The following MYO3B variants were observed in gnomAD, a reference collection of about 807,000 sequenced individuals.
MYO3B encodes myosin-IIIb.
In MYO3B, 156 loss-of-function variants were observed where a neutral mutation model predicts 174.6. That is an observed-to-expected ratio of 0.89 (90% CI 0.78 to 1.02). The LOEUF is 1.02. MYO3B is among the 50% of genes least tolerant of loss of function. The pLI, the probability that MYO3B is intolerant of heterozygous loss-of-function variation, is 0.00. For missense variants in MYO3B, 1,632 were observed against 1,639.4 expected, an observed-to-expected ratio of 1.00 and a Z score of 0.08; for synonymous variants, 563 against 569.1, an observed-to-expected ratio of 0.99 and a Z score of 0.15.
intron 29 of MYO3B, among the ~76,000 whole-genome samples, chr2:170,517,691 C>T (rs76159271): frequency 0.13 from 19,908 of 152,154 alleles, 1,393 homozygotes; most frequent in African/African-American, 0.16. Flanking sequence ...AACAGGGAAA[C>T]AGAAAGATAC....
At chr2:170,428,109 A>G (rs2094679681) in intron 22 of MYO3B, among the ~76,000 whole-genome samples, 1 of 152,218 alleles carries the variant, frequency 6.6e-6, no homozygotes, top group South Asian at 2.1e-4. Context: ...AAAATTAGAG[A>G]ACTGAATAAG....
intron 32 of MYO3B, among the ~76,000 whole-genome samples, chr2:170,599,695 C>T (rs1438883279): frequency 6.6e-6 from 1 of 152,110 alleles, no homozygotes; most frequent in East Asian, 1.9e-4. Flanking sequence ...TTGTAGTGAG[C>T]CGAGATTGTG....
At chr2:170,478,576 T>TG (rs1685464169) in intron 25 of MYO3B, among the ~76,000 whole-genome samples, 1 of 144,556 alleles carries the variant, frequency 6.9e-6, no homozygotes, top group South Asian at 2.2e-4. Flanking sequence ...TTTTTGTGTT[T>TG]TTTTTTTTTT....
At chr2:170,366,385 C>T (rs187070632) in intron 8 of MYO3B, among the ~76,000 whole-genome samples, 1 of 152,090 alleles carries the variant, frequency 6.6e-6, no homozygotes, top group African/African-American at 2.4e-5. Context: ...ACTGCAATCT[C>T]AAACTCCTGG....
At chr2:170,225,362 A>C (rs546572793) in intron 6 of MYO3B, among the ~76,000 whole-genome samples, 3 of 152,224 alleles carry the variant, frequency 2.0e-5, no homozygotes, top group Admixed American at 6.5e-5. Flanking sequence ...TTTAACCACT[A>C]TACCACAGCA....
intron 7 of MYO3B, among the ~76,000 whole-genome samples, chr2:170,270,032 A>T (rs1192601542): frequency 1.3e-5 from 2 of 152,228 alleles, no homozygotes; most frequent in Admixed American, 1.3e-4. Flanking sequence ...ATCAAGTTGC[A>T]GATTATTATG....
At chr2:170,461,465 T>C (rs1575016366) in intron 23 of MYO3B, among the ~76,000 whole-genome samples, 1 of 58,850 alleles carries the variant, frequency 1.7e-5, no homozygotes, top group Admixed American at 2.4e-4. Flanking sequence ...AAACTCAGTC[T>C]CAAAAAAAAA....
At chr2:170,398,228 G>GAAAAAAAAAA (rs34432719) in intron 16 of MYO3B, among the ~76,000 whole-genome samples, 1 of 87,958 alleles carries the variant, frequency 1.1e-5, no homozygotes, top group East Asian at 3.6e-4. Context: ...TGTCTCAAAA[G>GAAAAAAAAAA]AAAAAAAAAA....
At chr2:170,536,606 T>G (rs185951164) in intron 30 of MYO3B, among the ~76,000 whole-genome samples, 12 of 152,340 alleles carry the variant, frequency 7.9e-5, no homozygotes, top group African/African-American at 2.6e-4. Context: ...CTCTTTGTAT[T>G]TCCTTCATAT....
intron 22 of MYO3B, among the ~76,000 whole-genome samples, chr2:170,433,564 C>A (rs1161156388): frequency 2.0e-5 from 3 of 152,148 alleles, no homozygotes; most frequent in Non-Finnish European, 4.4e-5. Flanking sequence ...TAGTAATAAA[C>A]CTTATCAAAG....
intron 7 of MYO3B, among the ~76,000 whole-genome samples, chr2:170,276,945 T>C (rs529913107): frequency 6.6e-6 from 1 of 152,304 alleles, no homozygotes; most frequent in Admixed American, 6.5e-5. Context: ...ATGGATTATA[T>C]AATAAATGGG....
chr2:170,639,520 C>T (rs144871970), intron 32 of MYO3B, among the ~76,000 whole-genome samples: 32 of 152,274 alleles, frequency 2.1e-4, no homozygotes, highest in Non-Finnish European at 2.6e-4. Flanking sequence ...AGTTTAAAGA[C>T]TCCTAAAAAT....
Position 170,435,329 on chromosome 2 carries a change from A to T in MYO3B, c.2651-8638A>T, listed in dbSNP as rs75839933. 6.6e-3 allele frequency among the ~76,000 whole-genome samples: 1,006 copies of T among 152,280 alleles called. 9 individuals are homozygous for T. Among genetic ancestry groups the T allele is most frequent in the African/African-American group, 0.022 (933 of 41,548 alleles). On this transcript the variant is annotated intron_variant, in intron 22 of 34. Coordinates refer to ENST00000408978, the MANE Select transcript of MYO3B (RefSeq NM_138995.5). Reference sequence around the variant, plus strand: ...CAGGGCTGGTGGAAACAGCAAGGGGAGGACTTTGAAAGGAGAGATGATAGG... The same window carrying T: ...CAGGGCTGGTGGAAACAGCAAGGGGTGGACTTTGAAAGGAGAGATGATAGG...
chr2:170,466,042 T>C (rs74319055), intron 24 of MYO3B, among the ~76,000 whole-genome samples: 4,072 of 152,300 alleles, frequency 0.027, 119 homozygotes, highest in East Asian at 0.085. Flanking sequence ...GCCTTGTTTT[T>C]GTATTTTTCT....
At chr2:170,473,282 A>G (rs1044079699) in intron 25 of MYO3B, among the ~76,000 whole-genome samples, 3 of 151,054 alleles carry the variant, frequency 2.0e-5, no homozygotes, top group African/African-American at 7.3e-5. Context: ...AGCTGGGACT[A>G]CAGGCACCTA....
chr2:170,327,346 C>A (rs2093876472), intron 7 of MYO3B, among the ~76,000 whole-genome samples: 1 of 152,220 alleles, frequency 6.6e-6, no homozygotes, highest in Non-Finnish European at 1.5e-5. Flanking sequence ...GATCACGCCA[C>A]TGCACTCCAG....
chr2:170,645,787 G>C (rs561068656), intron 32 of MYO3B, among the ~76,000 whole-genome samples: 11 of 152,174 alleles, frequency 7.2e-5, no homozygotes, highest in Non-Finnish European at 1.5e-4. Flanking sequence ...TACAAGCATA[G>C]ATTTAGTCAA....
intron 7 of MYO3B, among the ~76,000 whole-genome samples, chr2:170,269,963 G>C (rs2105367494): frequency 6.6e-6 from 1 of 152,304 alleles, no homozygotes; most frequent in Middle Eastern, 3.4e-3. Flanking sequence ...TAACGATGCT[G>C]CTGGTCTGGG....
At chr2:170,437,349 G>A (rs1287311432) in intron 22 of MYO3B, among the ~76,000 whole-genome samples, 3 of 152,130 alleles carry the variant, frequency 2.0e-5, no homozygotes, top group Admixed American at 6.5e-5. Flanking sequence ...AATGACAGAT[G>A]CAGGAATGTC....
Sources: gnomAD v4.1 joint callset for allele counts (sites outside exome capture counted in the v4.1 genomes callset) on GRCh38, gnomAD v4.1.1 for gene constraint, MANE v1.5 for transcripts, NCBI Gene and HGNC (gene_info 2026-07-23, HGNC 2026-07-21) for gene names.